LRRK2: variants seen among roughly 807,000 people sequenced by gnomAD.
LRRK2 encodes leucine-rich repeat serine/threonine-protein kinase 2.
In LRRK2, 203 loss-of-function variants were observed where a neutral mutation model predicts 302.6. The observed-to-expected ratio is 0.67, with a 90% confidence interval of 0.60 to 0.75. LRRK2 has a LOEUF of 0.75. Ranked by LOEUF, LRRK2 falls within the 30% of genes least tolerant of loss-of-function variation. The probability of loss-of-function intolerance (pLI) is 0.00; values close to 1 mark genes in which losing one functional copy is unlikely to be tolerated. For missense variants in LRRK2, 2,830 were observed against 2,951.0 expected (o/e 0.96, Z 0.95); for synonymous variants, 1,066 against 1,031.9 (o/e 1.03, Z -0.63).
rs1244435059 is a variant in LRRK2 at position 40,369,145 on chromosome 12, AT to A, written c.*1381del. On this transcript the variant is annotated 3_prime_UTR_variant, in exon 51 of 51. Coordinates refer to ENST00000298910, the MANE Select transcript of LRRK2 (RefSeq NM_198578.4). Reference sequence around the variant, plus strand: ...AACTTGTTATGTAATTAACAAAAAAATCATATATAATAGAGCTCTTTGTTCC... The same window carrying A: ...AACTTGTTATGTAATTAACAAAAAAACATATATAATAGAGCTCTTTGTTCC... 1.3e-5 allele frequency: 2 copies of A among 151,910 alleles called. No homozygotes were observed. Among genetic ancestry groups the A allele is most frequent in the Non-Finnish European group, 2.9e-5 (2 of 67,810 alleles). The allele number at this position is 151,910 out of a possible 1,614,324, so 9.4% of individuals were successfully genotyped here.
chr12:40,246,824 A>G (rs1388596), intron 7 of LRRK2, among the ~76,000 whole-genome samples: 13,227 of 152,064 alleles, frequency 0.087, 798 homozygotes, highest in East Asian at 0.32. Context: ...GCTTTCCCAC[A>G]AGACTACTCT....
At chr12:40,358,271 G>A (rs1458118320) in intron 46 of LRRK2, among the ~76,000 whole-genome samples, 1 of 152,016 alleles carries the variant, frequency 6.6e-6, no homozygotes, top group Non-Finnish European at 1.5e-5. Flanking sequence ...TTTGTTGCCT[G>A]TGCTTTTGGG....
At chr12:40,236,413 C>G (rs1427732066) in intron 4 of LRRK2, among the ~76,000 whole-genome samples, 2 of 152,102 alleles carry the variant, frequency 1.3e-5, no homozygotes, top group Non-Finnish European at 2.9e-5. Context: ...GGTTCCTTCC[C>G]TGAGAAAACT....
chr12:40,334,886 C>A, intron 39 of LRRK2, 81 bp from the exon 40 acceptor site: 3 of 1,436,804 alleles, frequency 2.1e-6, no homozygotes, highest in Non-Finnish European at 2.9e-6. Context: ...CATGTTCAGC[C>A]TGTTGATGCA....
At position 40,291,468 on chromosome 12, in the gene LRRK2, G is replaced by T. The variant is rs113862928; in HGVS notation, c.2690-2077G>T. 8.4e-4 allele frequency among the ~76,000 whole-genome samples: 126 copies of T among 150,354 alleles called. 1 individual carries two copies. The highest frequency in any genetic ancestry group is 2.9e-3 in the African/African-American group (120 of 41,100). ...TATATATAAATTTAATTTCCTTTGT[G>T]ACTTCTTTGATTCACGAGTTATTTA... On this transcript the variant is annotated intron_variant, in intron 20 of 50. Transcript: ENST00000298910.
chr12:40,306,830 G>A (rs1209531080), intron 28 of LRRK2, among the ~76,000 whole-genome samples: 1 of 152,018 alleles, frequency 6.6e-6, no homozygotes, highest in Non-Finnish European at 1.5e-5. Flanking sequence ...GTTTTTATGA[G>A]GAAGGATTTT....
At chr12:40,265,249 A>G (rs1025492185) in intron 14 of LRRK2, among the ~76,000 whole-genome samples, 4 of 152,216 alleles carry the variant, frequency 2.6e-5, no homozygotes, top group African/African-American at 9.6e-5. Flanking sequence ...CATTTAGAAG[A>G]TAAATAAATA....
In LRRK2 at chr12:40,287,469, T is replaced by C. The variant is rs776523320; in HGVS notation, c.2619T>C (p.Asp873=). 1 of 1,612,928 alleles carries C rather than the reference T, an allele frequency of 6.2e-7. No homozygotes were observed. The highest frequency in any genetic ancestry group is 8.5e-7 in the Non-Finnish European group (1 of 1,179,162). ...NFSEDVLSKF[D]EWTFIPDSSM... ...CTGAAGATGTGCTGTCTAAATTTGA[T>C]GAATGGACCTTTATTCCTGACTCTT... Residue 873 remains aspartate, a synonymous_variant, in exon 20 of 51, where the codon GAT becomes GAC. Coordinates refer to ENST00000298910, the MANE Select transcript of LRRK2 (RefSeq NM_198578.4).
At chr12:40,318,120 G>A (rs1161034204) in intron 33 of LRRK2, among the ~76,000 whole-genome samples, 2 of 152,044 alleles carry the variant, frequency 1.3e-5, no homozygotes, top group Non-Finnish European at 2.9e-5. Flanking sequence ...CAAGAGAAAT[G>A]AAGCAGATTT....
At chr12:40,305,719 C>A in intron 27 of LRRK2, 66 bp from the exon 28 acceptor site, 1 of 1,387,918 alleles carries the variant, frequency 7.2e-7, no homozygotes, top group Non-Finnish European at 1.0e-6. Context: ...TTTCTTATCA[C>A]GTTTTTTGGC....
At chr12:40,349,511 T>C (rs762232860) in intron 43 of LRRK2, among the ~76,000 whole-genome samples, 2 of 9,934 alleles carry the variant, frequency 2.0e-4, no homozygotes, top group Non-Finnish European at 7.3e-4. Context: ...GTATTCTTTT[T>C]CTTATTTATT....
At chr12:40,271,202 T>C (rs2136584686) in intron 14 of LRRK2, among the ~76,000 whole-genome samples, 3 of 152,322 alleles carry the variant, frequency 2.0e-5, no homozygotes, top group Admixed American at 2.0e-4. Context: ...GACCACTATC[T>C]ATCACCATGC....
At chr12:40,319,947 A>G (rs1284080333) in intron 33 of LRRK2, 41 bp from the exon 34 acceptor site, 1 of 1,565,400 alleles carries the variant, frequency 6.4e-7, no homozygotes, top group Non-Finnish European at 8.7e-7. Flanking sequence ...AACATTTCAG[A>G]AAATAAATTT....
chr12:40,260,319 T>G (rs952960472), intron 13 of LRRK2, among the ~76,000 whole-genome samples: 6 of 151,858 alleles, frequency 4.0e-5, no homozygotes, highest in Non-Finnish European at 7.4e-5. Context: ...GATAGATGCA[T>G]ATATAAAAGG....
intron 13 of LRRK2, 98 bp downstream of exon 13, chr12:40,259,702 G>T: frequency 8.9e-6 from 13 of 1,452,608 alleles, no homozygotes; most frequent in Non-Finnish European, 1.1e-5. Flanking sequence ...TAAAAGACTA[G>T]TTTCTGTCGA....
chr12:40,358,569 C>G (rs1279926096), intron 46 of LRRK2, among the ~76,000 whole-genome samples: 2 of 152,048 alleles, frequency 1.3e-5, no homozygotes, highest in Non-Finnish European at 2.9e-5. Flanking sequence ...GGGTCCTCTA[C>G]ATTGGTCTAC....
In LRRK2 at chr12:40,314,187, G is replaced by A. The variant is rs72546328; in HGVS notation, c.4738+14G>A. On this transcript the variant is annotated intron_variant, in intron 32 of 50. Coordinates refer to ENST00000298910, the MANE Select transcript of LRRK2 (RefSeq NM_198578.4). Reference sequence around the variant, plus strand: ...TAAATGAATCAGGTTTGTGTTTTTCGTTCCTTATTTTCAAAGCTCAGCTGT... The same window carrying A: ...TAAATGAATCAGGTTTGTGTTTTTCATTCCTTATTTTCAAAGCTCAGCTGT... 96 of 1,610,286 alleles carry A rather than the reference G, an allele frequency of 6.0e-5. No individual in the cohort carries two copies. Among genetic ancestry groups the A allele is most frequent in the East Asian group, 1.3e-4 (6 of 44,796 alleles).
At chr12:40,328,251 C>A in intron 38 of LRRK2, 109 bp from the exon 39 acceptor site, 1 of 792,016 alleles carries the variant, frequency 1.3e-6, no homozygotes, top group Non-Finnish European at 2.1e-6. Context: ...ACAAGTAGGT[C>A]AGGTTTCTAT....
In LRRK2 at chr12:40,293,623, A is replaced by T; in HGVS notation, c.2768A>T (p.Gln923Leu). The change falls in exon 21 of 51, where the codon CAG becomes CTG. Residue 923 changes from glutamine to leucine, a missense_variant. Transcript: ENST00000298910. ...GAATTTTACCGAGATGCCGTATTAC[A>T]GCGTTGCTCACCAAATTTGCAAAGA... Reference protein sequence around the residue: ...VGEFYRDAVLQRCSPNLQRHS... With the variant: ...VGEFYRDAVLLRCSPNLQRHS... 6.2e-7 allele frequency: 1 copy of T among 1,611,664 alleles called. No individual in the cohort carries two copies. The highest frequency in any genetic ancestry group is 1.7e-5 in the Admixed American group (1 of 59,834).
Sources: allele counts gnomAD v4.1 joint callset (sites outside exome capture counted in the v4.1 genomes callset), GRCh38; gene constraint gnomAD v4.1.1; transcripts MANE v1.5; gene names NCBI Gene and HGNC (gene_info 2026-07-23, HGNC 2026-07-21).